The following PPP2R3A variants were observed in gnomAD, a reference collection of about 807,000 sequenced individuals.
PPP2R3A encodes protein phosphatase 2 regulatory subunit B''alpha.
In PPP2R3A, 80 loss-of-function variants were observed where a neutral mutation model predicts 106.9. The ratio of observed to expected loss-of-function variants is 0.75; its 90% confidence interval spans 0.62 to 0.90. The LOEUF is 0.90. Ranked by LOEUF, PPP2R3A falls within the 40% of genes least tolerant of loss-of-function variation. The pLI, the probability that PPP2R3A is intolerant of heterozygous loss-of-function variation, is 0.00. For synonymous variants in PPP2R3A, 483 were observed against 468.3 expected, an observed-to-expected ratio of 1.03 and a Z score of -0.41; for missense variants, 1,386 against 1,350.4, an observed-to-expected ratio of 1.03 and a Z score of -0.41.
chr3:136,010,178 A>G (rs1026526461), intron 2 of PPP2R3A, among the ~76,000 whole-genome samples: 1 of 151,988 alleles, frequency 6.6e-6, no homozygotes, highest in South Asian at 2.1e-4. Context: ...TCAGTACTAA[A>G]TATCTTCTCC....
intron 13 of PPP2R3A, 132 bp from the exon 14 acceptor site, chr3:136,144,911 T>A: frequency 3.3e-6 from 3 of 912,696 alleles, no homozygotes; most frequent in Non-Finnish European, 4.9e-6. Flanking sequence ...GGCAGTTGAG[T>A]TGCTCACGGC....
intron 1 of PPP2R3A, among the ~76,000 whole-genome samples, chr3:135,993,549 A>G (rs1440605082): frequency 1.3e-5 from 2 of 152,266 alleles, no homozygotes; most frequent in Non-Finnish European, 2.9e-5. Context: ...ATTACCCAAA[A>G]GAAATGAACA....
intron 13 of PPP2R3A, among the ~76,000 whole-genome samples, chr3:136,112,093 C>T (rs544649477): frequency 1.0e-3 from 159 of 152,248 alleles, no homozygotes; most frequent in African/African-American, 3.8e-3. Flanking sequence ...AAATTCAGCA[C>T]CCCTTCATGT....
chr3:135,987,097 C>G (rs1932956918), intron 1 of PPP2R3A, among the ~76,000 whole-genome samples: 1 of 152,114 alleles, frequency 6.6e-6, no homozygotes, highest in South Asian at 2.1e-4. Flanking sequence ...GTTGATCGTT[C>G]ACTTTATCCT....
intron 1 of PPP2R3A, among the ~76,000 whole-genome samples, chr3:135,998,804 C>T (rs1167463087): frequency 1.3e-5 from 2 of 151,986 alleles, no homozygotes; most frequent in African/African-American, 4.8e-5. Context: ...TCTATTTTGA[C>T]CTGGAAGTAC....
At chr3:135,967,264 T>G (rs999509676) in intron 1 of PPP2R3A, among the ~76,000 whole-genome samples, 1 of 152,140 alleles carries the variant, frequency 6.6e-6, no homozygotes, top group African/African-American at 2.4e-5. Flanking sequence ...ATCAAAAAGG[T>G]TTTTAAAAAA....
At position 136,055,289 on chromosome 3, in the gene PPP2R3A, G is replaced by T. The variant is rs898359196; in HGVS notation, c.2469+5928G>T. 13 of 880,470 alleles carry T rather than the reference G, an allele frequency of 1.5e-5. No homozygotes were observed. The African/African-American group carries it at 1.9e-4, about 13-fold the overall frequency. The allele number at this position is 880,470 out of a possible 1,614,324, so 54.5% of individuals were successfully genotyped here. ...ACAAATGGATCACAGACCTGAGTCT[G>T]TTGTGTTGGTGAAAGGAATCAACAT... On this transcript the variant is annotated intron_variant, in intron 5 of 13. Coordinates refer to ENST00000264977, the MANE Select transcript of PPP2R3A (RefSeq NM_002718.5).
intron 3 of PPP2R3A, among the ~76,000 whole-genome samples, chr3:136,037,941 TA>T (rs201691488): frequency 2.5e-4 from 36 of 143,596 alleles, no homozygotes; most frequent in Non-Finnish European, 3.4e-4. Flanking sequence ...TCTTCCTTTG[TA>T]AAAAAAAAAA....
rs546316682 is a variant in PPP2R3A at position 136,019,327 on chromosome 3, G to A, written c.1996-7505G>A. Among the ~76,000 whole-genome samples the A allele has an allele frequency of 1.3e-4, 20 of 152,216 alleles. No homozygotes were observed. In the East Asian group the frequency reaches 3.7e-3, roughly 28 times the overall value. ...CTGCACACAGCTCCTAATTTTCCACGTGCTCAAACTTAATTTATAACCTAT... is the reference window on the plus strand; with the variant it reads ...CTGCACACAGCTCCTAATTTTCCACATGCTCAAACTTAATTTATAACCTAT... On this transcript the variant is annotated intron_variant, in intron 2 of 13. Coordinates refer to ENST00000264977, the MANE Select transcript of PPP2R3A (RefSeq NM_002718.5).
At position 136,145,219 on chromosome 3, in the gene PPP2R3A, G is replaced by C; in HGVS notation, c.*53G>C. Reference sequence around the variant, plus strand: ...TGTGTATTTTAAATGTTTCTTTCTTGTGAAGAGATGTTCTCGTTTGCATAC... The same window carrying C: ...TGTGTATTTTAAATGTTTCTTTCTTCTGAAGAGATGTTCTCGTTTGCATAC... On this transcript the variant is annotated 3_prime_UTR_variant, in exon 14 of 14. Coordinates refer to ENST00000264977, the MANE Select transcript of PPP2R3A (RefSeq NM_002718.5). 2.6e-6 allele frequency: 4 copies of C among 1,558,878 alleles called. No individual in the cohort carries two copies. Among genetic ancestry groups the C allele is most frequent in the Non-Finnish European group, 3.5e-6 (4 of 1,154,566 alleles).
At chr3:136,029,828 A>G (rs1934804363) in intron 3 of PPP2R3A, among the ~76,000 whole-genome samples, 1 of 152,162 alleles carries the variant, frequency 6.6e-6, no homozygotes, top group Admixed American at 6.5e-5. Context: ...CTTTTTGTTC[A>G]TTGCTCTTAG....
chr3:136,078,266 A>G (rs987440338), intron 6 of PPP2R3A, 101 bp from the exon 7 acceptor site: 23 of 790,642 alleles, frequency 2.9e-5, no homozygotes, highest in African/African-American at 5.3e-5. Flanking sequence ...TCAAAAAGCT[A>G]AAAGTTAAAT....
At chr3:136,073,709 T>C (rs1434233027) in intron 6 of PPP2R3A, among the ~76,000 whole-genome samples, 1 of 152,188 alleles carries the variant, frequency 6.6e-6, no homozygotes, top group Admixed American at 6.5e-5. Context: ...AAATAAAAAG[T>C]ATAAAAACGA....
intron 2 of PPP2R3A, among the ~76,000 whole-genome samples, chr3:136,011,794 A>G (rs571734401): frequency 6.6e-6 from 1 of 152,246 alleles, no homozygotes; most frequent in East Asian, 1.9e-4. Flanking sequence ...CCTCTCATGG[A>G]TCTACTTTTG....
At chr3:136,021,453 T>C (rs538897315) in intron 2 of PPP2R3A, among the ~76,000 whole-genome samples, 101 of 152,190 alleles carry the variant, frequency 6.6e-4, no homozygotes, top group Non-Finnish European at 6.8e-4. Flanking sequence ...TTTAGACATA[T>C]AAGCCTAATG....
At position 136,090,595 on chromosome 3, in the gene PPP2R3A, A is replaced by G; in HGVS notation, c.2855A>G (p.Lys952Arg). 1 of 1,613,550 alleles carries G rather than the reference A, an allele frequency of 6.2e-7. No individual in the cohort carries two copies. Among genetic ancestry groups the G allele is most frequent in the Non-Finnish European group, 8.5e-7 (1 of 1,179,652 alleles). The part of the protein sequence containing the change: ...GAVTRGKTIQ[K>R]EGRMSYADFV... ...TTCTTTAGGGGAAAAACAATACAGA[A>G]AGAGGGAAGAATGAGCTATGCAGAT... The change falls in exon 10 of 14, where the codon AAA (lysine) becomes AGA (arginine). Residue 952 changes from lysine (K) to arginine (R), a missense_variant. Lys to Arg is a conservative substitution (Grantham distance 26). Transcript: ENST00000264977.
intron 13 of PPP2R3A, among the ~76,000 whole-genome samples, chr3:136,130,796 T>TC (rs1467679855): frequency 2.6e-5 from 4 of 152,226 alleles, no homozygotes; most frequent in Admixed American, 2.0e-4. Context: ...AGCATGATAC[T>TC]GGTACCAAAA....
At chr3:136,027,627 G>C (rs1934715906) in intron 3 of PPP2R3A, among the ~76,000 whole-genome samples, 1 of 152,096 alleles carries the variant, frequency 6.6e-6, no homozygotes, top group Admixed American at 6.5e-5. Context: ...ACTTGATTCT[G>C]TGCCTCCAGC....
Position 136,138,508 on chromosome 3 carries a change from C to G in PPP2R3A, c.3330-6535C>G, listed in dbSNP as rs577895922. On this transcript the variant is annotated intron_variant, in intron 13 of 13. Transcript: ENST00000264977. ...TAGGAAACTTCAACAAGAGTTGAAA[C>G]TAAAGATTTTCTGGTCACTGGATGG... Among the ~76,000 whole-genome samples the G allele has an allele frequency of 4.6e-5, 7 of 152,102 alleles. No individual in the cohort carries two copies. In the South Asian group the frequency reaches 1.5e-3, roughly 32 times the overall value.
Sources: allele counts gnomAD v4.1 joint callset (sites outside exome capture counted in the v4.1 genomes callset), GRCh38; gene constraint gnomAD v4.1.1; transcripts MANE v1.5; gene names NCBI Gene and HGNC (gene_info 2026-07-23, HGNC 2026-07-21).